Variants in ZNF660 observed in about 807,000 individuals in gnomAD.
The protein encoded by ZNF660 is zinc finger protein 660.
In ZNF660, 24 loss-of-function variants were observed where a neutral mutation model predicts 23.2. That is an observed-to-expected ratio of 1.04 (90% CI 0.75 to 1.46). The LOEUF is 1.46. ZNF660 is among the 40% of genes most tolerant of loss of function. ZNF660 has a pLI of 0.00. For missense variants in ZNF660, 373 were observed against 396.8 expected, an observed-to-expected ratio of 0.94 and a Z score of 0.51; for synonymous variants, 117 against 131.4, an observed-to-expected ratio of 0.89 and a Z score of 0.75.
intron 2 of ZNF660, among the ~76,000 whole-genome samples, chr3:44,589,644 G>T (rs1700348479): frequency 1.3e-5 from 2 of 152,134 alleles, no homozygotes; most frequent in Non-Finnish European, 2.9e-5. Context: ...GTACAAAAAA[G>T]AATATAGAAT....
chr3:44,594,980 GATC>G lies in ZNF660; in HGVS notation c.792_794del (p.His264del). 1 of 1,613,938 alleles carries G rather than the reference GATC, an allele frequency of 6.2e-7. No individual in the cohort carries two copies. The highest frequency in any genetic ancestry group is 1.3e-5 in the African/African-American group (1 of 75,006). On this transcript the variant is annotated inframe_deletion, in exon 3 of 3. Transcript: ENST00000322734. ...TTTTACTTCTAATCGAAACCTTGTT[GATC>G]ATCAGAGAGTTCACACTGGAGAGAA...
rs1700598540 is a variant in ZNF660 at position 44,596,104 on chromosome 3, TCAGATA to T, written c.*919_*924del. 6.0e-6 allele frequency: 1 copy of T among 166,242 alleles called. No homozygotes were observed. The highest frequency in any genetic ancestry group is 2.4e-5 in the African/African-American group (1 of 41,422). 10.3% of individuals were successfully genotyped at this position (166,242 alleles called of 1,614,324 possible). On this transcript the variant is annotated 3_prime_UTR_variant, in exon 3 of 3. Transcript: ENST00000322734. The stretch of plus-strand genomic sequence containing the variant: ...TGAAACAACTGTAGACTCAAAAACT[TCAGATA>T]CAGTCACCAGTTAATATAAAACTAG...
chr3:44,586,331 T>A (rs114228422), intron 2 of ZNF660, 118 bp downstream of exon 2: 78 of 152,376 alleles, frequency 5.1e-4, no homozygotes, highest in African/African-American at 1.9e-3. Context: ...GTGGTATTTA[T>A]CAAACAGGAG....
In ZNF660 at chr3:44,594,161, G is replaced by A; in HGVS notation, c.-33G>A. The stretch of plus-strand genomic sequence containing the variant: ...TCCTCTGAAGGGAAAGAGAAGACTA[G>A]AGAGGACACTGGTATGTTCCAAGCA... On this transcript the variant is annotated 5_prime_UTR_variant, in exon 3 of 3. Transcript: ENST00000322734. 3.7e-6 allele frequency: 6 copies of A among 1,612,062 alleles called. No individual in the cohort carries two copies. The highest frequency in any genetic ancestry group is 5.1e-6 in the Non-Finnish European group (6 of 1,179,378).
chr3:44,589,614 CAA>C (rs1360057769), intron 2 of ZNF660, among the ~76,000 whole-genome samples: 1 of 152,046 alleles, frequency 6.6e-6, no homozygotes. Context: ...AGGAAAATAA[CAA>C]GAGTGGAGAA....
At position 44,597,297 on chromosome 3, in the gene ZNF660, A is replaced by G. The variant is rs1700642437; in HGVS notation, c.*2108A>G. ...CTATGAAAGGTGATTGTATCTAACA[A>G]TTATTTGATATTTGACCATGGTTTT... is the stretch of plus-strand genomic sequence containing the variant. On this transcript the variant is annotated 3_prime_UTR_variant, in exon 3 of 3. Transcript: ENST00000322734. This position sits in a 1 kb window ranked among gnomAD's most constrained non-coding sequence, Gnocchi z 4.1. The G allele has an allele frequency of 6.6e-6, 1 of 152,116 alleles. No homozygotes were observed. The highest frequency in any genetic ancestry group is 1.5e-5 in the Non-Finnish European group (1 of 68,036). 9.4% of individuals were successfully genotyped at this position (152,116 alleles called of 1,614,324 possible). A position where few individuals can be genotyped will look rare whatever the true frequency, so the allele number is the denominator to read the frequency against.
At chr3:44,587,492 C>T (rs1347669136) in intron 2 of ZNF660, among the ~76,000 whole-genome samples, 1 of 152,184 alleles carries the variant, frequency 6.6e-6, no homozygotes, top group Non-Finnish European at 1.5e-5. Context: ...TGTTTCCCTC[C>T]AAACTTCTCC....
intron 2 of ZNF660, among the ~76,000 whole-genome samples, chr3:44,593,455 T>G (rs562082216): frequency 4.6e-5 from 7 of 152,256 alleles, no homozygotes; most frequent in Admixed American, 3.9e-4. Context: ...GGCTCATGCC[T>G]ATAATCCCAG....
At chr3:44,588,603 C>T (rs1700309530) in intron 2 of ZNF660, among the ~76,000 whole-genome samples, 1 of 152,034 alleles carries the variant, frequency 6.6e-6, no homozygotes, top group South Asian at 2.1e-4. Context: ...GCAGCCTCGA[C>T]CTCCCTCAGC....
chr3:44,588,394 A>G (rs1440182543), intron 2 of ZNF660, among the ~76,000 whole-genome samples: 3 of 152,186 alleles, frequency 2.0e-5, no homozygotes, highest in Admixed American at 6.5e-5. Flanking sequence ...TCACCTCCCA[A>G]CAGGCCCACC....
At chr3:44,589,671 GGATA>G (rs1191770662) in intron 2 of ZNF660, among the ~76,000 whole-genome samples, 1 of 152,124 alleles carries the variant, frequency 6.6e-6, no homozygotes, top group Admixed American at 6.5e-5. Flanking sequence ...AGAAAATTAA[GGATA>G]GATTTCACTC....
chr3:44,597,646 T>C lies in ZNF660; in HGVS notation c.*2457T>C, dbSNP rs1469597209. The stretch of plus-strand genomic sequence containing the variant: ...GCAGAATTGTTGATGCTTTATATAT[T>C]GCTGAGCAGATATTCTCTGACCAAA... On this transcript the variant is annotated 3_prime_UTR_variant, in exon 3 of 3. Coordinates refer to ENST00000322734, the MANE Select transcript of ZNF660 (RefSeq NM_173658.4). This position sits in a 1 kb window ranked among gnomAD's most constrained non-coding sequence, Gnocchi z 4.1. 6.6e-6 allele frequency: 1 copy of C among 152,228 alleles called. No individual in the cohort carries two copies. Among genetic ancestry groups the C allele is most frequent in the East Asian group, 1.9e-4 (1 of 5,202 alleles). 9.4% of individuals were successfully genotyped at this position (152,228 alleles called of 1,614,324 possible). A position where few individuals can be genotyped will look rare whatever the true frequency, so the allele number is the denominator to read the frequency against.
rs1700531896 is a variant in ZNF660 at position 44,594,236 on chromosome 3, G to A, written c.43G>A (p.Asp15Asn). 6.2e-7 allele frequency: 1 copy of A among 1,613,756 alleles called. No individual in the cohort carries two copies. Among genetic ancestry groups the A allele is most frequent in the South Asian group, 1.1e-5 (1 of 91,082 alleles). Residue 15 changes from aspartate (D) to asparagine (N), a missense_variant, in exon 3 of 3, where the codon GAC (aspartate) becomes AAC (asparagine). Transcript: ENST00000322734. ...AAATTTCAAACATAAGACAGTTAAAGACAATAAAGTACTCACAGAAGGGAG... is the reference window on the plus strand; with the variant it reads ...AAATTTCAAACATAAGACAGTTAAAAACAATAAAGTACTCACAGAAGGGAG... The part of the protein sequence containing the change: ...TRNFKHKTVK[D>N]NKVLTEGSDQ...
In ZNF660 at chr3:44,595,794, C is replaced by T. The variant is rs1700589874; in HGVS notation, c.*605C>T. The T allele has an allele frequency of 6.0e-6, 1 of 167,114 alleles. No homozygotes were observed. Among genetic ancestry groups the T allele is most frequent in the African/African-American group, 2.4e-5 (1 of 41,462 alleles). 10.4% of individuals were successfully genotyped at this position (167,114 alleles called of 1,614,324 possible). A position where few individuals can be genotyped will look rare whatever the true frequency, so the allele number is the denominator to read the frequency against. On this transcript the variant is annotated 3_prime_UTR_variant, in exon 3 of 3. Transcript: ENST00000322734. ...AAAGCCCTGGGATTGCACCCTGACA[C>T]TGGCATTTAGCAGCAGTGGAACCGC...
chr3:44,586,922 TACAC>T (rs1271456487), intron 2 of ZNF660, among the ~76,000 whole-genome samples: 5 of 152,336 alleles, frequency 3.3e-5, no homozygotes, highest in African/African-American at 1.2e-4. Flanking sequence ...GACACAGACA[TACAC>T]ACAAGCAATT....
Position 44,594,763 on chromosome 3 carries a change from C to G in ZNF660, c.570C>G (p.Tyr190Ter), listed in dbSNP as rs1299912757. 1.2e-6 allele frequency: 2 copies of G among 1,613,860 alleles called. No homozygotes were observed. The highest frequency in any genetic ancestry group is 2.2e-5 in the South Asian group (2 of 91,060). ...GAATGCACAGAGGAAAAAAAGTTTA[C>G]AAATGTAAGGAGTGTGGGAAAACAT... ...HQRMHRGKKV[Y>*]KCKECGKTCG... is the part of the protein sequence containing the mutation. Residue 190 changes from tyrosine to a stop codon, truncating the protein, a stop_gained, in exon 3 of 3, where the codon TAC (tyrosine) becomes TAG (stop). Transcript: ENST00000322734. LOFTEE classifies it high-confidence loss of function.
chr3:44,596,661 C>T lies in ZNF660; in HGVS notation c.*1472C>T, dbSNP rs749789250. 1 of 152,146 alleles carries T rather than the reference C, an allele frequency of 6.6e-6. No individual in the cohort carries two copies. The highest frequency in any genetic ancestry group is 1.5e-5 in the Non-Finnish European group (1 of 68,028). The allele number at this position is 152,146 out of a possible 1,614,324, so 9.4% of individuals were successfully genotyped here. ...CATGTTGACTTTCATTTTTCATAACCTCATGGTGGCAAGACAGTGGCCACA... is the reference window on the plus strand; with the variant it reads ...CATGTTGACTTTCATTTTTCATAACTTCATGGTGGCAAGACAGTGGCCACA... On this transcript the variant is annotated 3_prime_UTR_variant, in exon 3 of 3. Transcript: ENST00000322734.
chr3:44,594,080 A>G lies in ZNF660; in HGVS notation c.-114A>G. ...CATTCCTGAAAAATCAGAATCATACATACTTTCAAGAGAATTCCACAGAGA... is the reference window on the plus strand; with the variant it reads ...CATTCCTGAAAAATCAGAATCATACGTACTTTCAAGAGAATTCCACAGAGA... On this transcript the variant is annotated 5_prime_UTR_variant, in exon 3 of 3. Coordinates refer to ENST00000322734, the MANE Select transcript of ZNF660 (RefSeq NM_173658.4). 1 of 1,300,804 alleles carries G rather than the reference A, an allele frequency of 7.7e-7. No homozygotes were observed. Among genetic ancestry groups the G allele is most frequent in the African/African-American group, 1.5e-5 (1 of 68,468 alleles). 80.6% of individuals were successfully genotyped at this position (1,300,804 alleles called of 1,614,324 possible). A position where few individuals can be genotyped will look rare whatever the true frequency, so the allele number is the denominator to read the frequency against.
At chr3:44,593,601 G>C (rs1159265866) in intron 2 of ZNF660, among the ~76,000 whole-genome samples, 2 of 150,540 alleles carry the variant, frequency 1.3e-5, no homozygotes, top group South Asian at 4.3e-4. Flanking sequence ...TGTAATCCCA[G>C]TTACTAGGGA....
Sources: allele counts gnomAD v4.1 joint callset (sites outside exome capture counted in the v4.1 genomes callset), GRCh38; gene constraint gnomAD v4.1.1; non-coding constraint Gnocchi (gnomAD v3.1); transcripts MANE v1.5; gene names NCBI Gene and HGNC (gene_info 2026-07-23, HGNC 2026-07-21).